The following ACSBG1 variants were observed in gnomAD, a reference collection of about 807,000 sequenced individuals.
ACSBG1 encodes acyl-CoA synthetase bubblegum family member 1, also known as long-chain-fatty-acid--CoA ligase ACSBG1.
In ACSBG1, 39 loss-of-function variants were observed where a neutral mutation model predicts 80.2. The observed-to-expected ratio is 0.49, with a 90% confidence interval of 0.38 to 0.64. ACSBG1 has a LOEUF of 0.64. Ranked by LOEUF, ACSBG1 falls within the 30% of genes least tolerant of loss-of-function variation. ACSBG1 has a pLI of 0.00. For synonymous variants in ACSBG1, 392 were observed against 379.5 expected, an observed-to-expected ratio of 1.03 and a Z score of -0.38; for missense variants, 828 against 966.4, an observed-to-expected ratio of 0.86 and a Z score of 1.90.
intron 1 of ACSBG1, among the ~76,000 whole-genome samples, chr15:78,218,805 TCTC>T (rs1273114510): frequency 6.7e-6 from 1 of 148,366 alleles, no homozygotes; most frequent in Middle Eastern, 3.4e-3. Context: ...GGAGTATCGC[TCTC>T]CTTTTTTTTT....
intron 7 of ACSBG1, 114 bp downstream of exon 7, chr15:78,182,352 C>T: frequency 1.4e-6 from 2 of 1,454,616 alleles, no homozygotes; most frequent in Non-Finnish European, 1.9e-6. Flanking sequence ...TATCCCAGCT[C>T]CTAGAGCAGA....
chr15:78,203,226 C>T (rs964058956), intron 2 of ACSBG1, among the ~76,000 whole-genome samples: 4 of 152,154 alleles, frequency 2.6e-5, no homozygotes, highest in African/African-American at 9.7e-5. Flanking sequence ...TCAGTGCAAC[C>T]ATCAGCTCTG....
Position 78,171,199 on chromosome 15 carries a change from T to C in ACSBG1, c.*245A>G, listed in dbSNP as rs2074817102. On this transcript the variant is annotated 3_prime_UTR_variant, in exon 14 of 14. Coordinates refer to ENST00000258873, the MANE Select transcript of ACSBG1 (RefSeq NM_015162.5). ...CGTTCTGGAAGGAGAGCTGATCTCA[T>C]TTGTCACCTGAACAAAAAGCAATAC... 1 of 360,286 alleles carries C rather than the reference T, an allele frequency of 2.8e-6. No homozygotes were observed. The highest frequency in any genetic ancestry group is 5.1e-6 in the Non-Finnish European group (1 of 194,574). 22.3% of individuals were successfully genotyped at this position (360,286 alleles called of 1,614,324 possible).
intron 2 of ACSBG1, among the ~76,000 whole-genome samples, chr15:78,194,978 G>A (rs2075099657): frequency 6.6e-6 from 1 of 152,242 alleles, no homozygotes; most frequent in African/African-American, 2.4e-5. Flanking sequence ...ATAACTGGAG[G>A]ACAGACGGAA....
At position 78,171,356 on chromosome 15, in the gene ACSBG1, T is replaced by C. The variant is rs535264699; in HGVS notation, c.*88A>G. ...ATCTAACAGACTTGGCAGAAATGCC[T>C]GTGCCCAGACTGAAGAGACCTGGGG... On this transcript the variant is annotated 3_prime_UTR_variant, in exon 14 of 14. Coordinates refer to ENST00000258873, the MANE Select transcript of ACSBG1 (RefSeq NM_015162.5). 6.8e-5 allele frequency: 76 copies of C among 1,111,928 alleles called. No individual in the cohort carries two copies. The highest frequency in any genetic ancestry group is 1.4e-4 in the South Asian group (10 of 72,206). The allele number at this position is 1,111,928 out of a possible 1,614,324, so 68.9% of individuals were successfully genotyped here.
intron 2 of ACSBG1, among the ~76,000 whole-genome samples, chr15:78,200,125 C>T (rs1372608984): frequency 6.6e-6 from 1 of 152,196 alleles, no homozygotes; most frequent in Non-Finnish European, 1.5e-5. Context: ...CTACATGGTT[C>T]TGTCTTTTTC....
Position 78,169,111 on chromosome 15 carries a change from GT to G in ACSBG1, c.*2332del. 3.1e-6 allele frequency: 2 copies of G among 638,492 alleles called. No homozygotes were observed. 39.6% of individuals were successfully genotyped at this position (638,492 alleles called of 1,614,324 possible). On this transcript the variant is annotated 3_prime_UTR_variant, in exon 14 of 14. Coordinates refer to ENST00000258873, the MANE Select transcript of ACSBG1 (RefSeq NM_015162.5). ...GCATTGGTTTGCTTGTTTCTTGACA[GT>G]ACATTTTTAGATCTGGCCTTTTCTT...
In ACSBG1 at chr15:78,182,135, G is replaced by T; in HGVS notation, c.905C>A (p.Thr302Lys). 1 of 1,609,124 alleles carries T rather than the reference G, an allele frequency of 6.2e-7. No individual in the cohort carries two copies. Among genetic ancestry groups the T allele is most frequent in the Non-Finnish European group, 8.5e-7 (1 of 1,179,794 alleles). ...ACCGGCCTGGCTGCCGTACCGTGCC[G>T]TCCACGTGATCTGGAGGACAAGTAG... ...VMLSQDNITW[T>K]ARYGSQAGDI... The change falls in exon 8 of 14, where the codon ACG (threonine) becomes AAG (lysine). Residue 302 changes from threonine to lysine, a missense_variant. Transcript: ENST00000258873.
chr15:78,186,311 G>T (rs1444458047), intron 5 of ACSBG1, among the ~76,000 whole-genome samples: 1 of 152,122 alleles, frequency 6.6e-6, no homozygotes, highest in African/African-American at 2.4e-5. Context: ...ACTCAGCTCT[G>T]CACCAAGCGG....
chr15:78,193,538 C>T lies in ACSBG1; in HGVS notation c.631G>A (p.Asp211Asn), dbSNP rs267604330. 4 of 1,612,984 alleles carry T rather than the reference C, an allele frequency of 2.5e-6. No homozygotes were observed. The highest frequency in any genetic ancestry group is 1.7e-5 in the Admixed American group (1 of 59,916). The change falls in exon 5 of 14, where the codon GAC becomes AAC. Residue 211 changes from aspartate (D) to asparagine (N), a missense_variant. Around this residue, in one of 3 missense-constraint regions of ACSBG1, gnomAD observed 356 missense variants for 363.5 expected, o/e 0.98. Coordinates refer to ENST00000258873, the MANE Select transcript of ACSBG1 (RefSeq NM_015162.5). ...ATCTTTTCCAGCTGCTTCTGCGTGT[C>T]GACCATGATGACATTGGCGCAGCAG... ...YDCCANVIMV[D>N]TQKQLEKILK...
chr15:78,193,302 C>A (rs1364135892), intron 5 of ACSBG1, among the ~76,000 whole-genome samples: 1 of 152,250 alleles, frequency 6.6e-6, no homozygotes, highest in Non-Finnish European at 1.5e-5. Flanking sequence ...ACTTCTGGGG[C>A]ATGTCCCTTG....
intron 10 of ACSBG1, among the ~76,000 whole-genome samples, chr15:78,179,271 G>A (rs917146530): frequency 2.0e-5 from 3 of 152,288 alleles, no homozygotes; most frequent in South Asian, 4.1e-4. Flanking sequence ...GAGGAAAACT[G>A]CTCCATAGGT....
chr15:78,194,984 CG>C (rs2075099799), intron 2 of ACSBG1, among the ~76,000 whole-genome samples: 3 of 152,322 alleles, frequency 2.0e-5, no homozygotes, highest in Non-Finnish European at 2.9e-5. Flanking sequence ...GGAGGACAGA[CG>C]GAAGTCCTAG....
intron 3 of ACSBG1, 93 bp downstream of exon 3, chr15:78,194,413 C>T: frequency 8.4e-7 from 1 of 1,192,246 alleles, no homozygotes; most frequent in Non-Finnish European, 1.2e-6. Flanking sequence ...AAGAGCCTTG[C>T]CCAGTGGGCA....
intron 3 of ACSBG1, 34 bp from the exon 4 acceptor site, chr15:78,194,054 G>C: frequency 6.2e-7 from 1 of 1,606,788 alleles, no homozygotes; most frequent in Non-Finnish European, 8.5e-7. Context: ...CAGGTCAGCC[G>C]GGCAGGGACT....
intron 9 of ACSBG1, among the ~76,000 whole-genome samples, chr15:78,180,103 GAAGT>G (rs1355907770): frequency 6.6e-5 from 10 of 152,182 alleles, no homozygotes; most frequent in Admixed American, 2.0e-4. Context: ...ACAGAAACTT[GAAGT>G]ATGTATTCAT....
Position 78,171,422 on chromosome 15 carries a change from A to C in ACSBG1, c.*22T>G, listed in dbSNP as rs1242001672. ...GGAACGCCTGCCCTCTATTCTATAG[A>C]AACTGCAGGCATAGGCCCTGATTAC... On this transcript the variant is annotated 3_prime_UTR_variant, in exon 14 of 14. Coordinates refer to ENST00000258873, the MANE Select transcript of ACSBG1 (RefSeq NM_015162.5). The C allele has an allele frequency of 1.9e-6, 3 of 1,606,822 alleles. No individual in the cohort carries two copies. The highest frequency in any genetic ancestry group is 1.7e-6 in the Non-Finnish European group (2 of 1,173,544).
chr15:78,197,441 C>T (rs2075124473), intron 2 of ACSBG1, among the ~76,000 whole-genome samples: 1 of 151,972 alleles, frequency 6.6e-6, no homozygotes, highest in East Asian at 1.9e-4. Context: ...GAGAGAGGGC[C>T]CGCATGGTGG....
chr15:78,174,252 G>T, intron 12 of ACSBG1, 133 bp downstream of exon 12: 2 of 1,257,094 alleles, frequency 1.6e-6, no homozygotes, highest in Non-Finnish European at 2.2e-6. Flanking sequence ...AGTGCAGGCA[G>T]CACGGACTTG....
Sources: allele counts gnomAD v4.1 joint callset (sites outside exome capture counted in the v4.1 genomes callset), GRCh38; gene constraint gnomAD v4.1.1; regional missense constraint gnomAD v4.1.1; transcripts MANE v1.5; gene names NCBI Gene and HGNC (gene_info 2026-07-23, HGNC 2026-07-21).